PML: variants seen among roughly 807,000 people sequenced by gnomAD.
The protein encoded by PML is PML nuclear body scaffold.
Under a neutral mutation model 65.2 loss-of-function variants are expected in PML, and 28 were observed. The ratio of observed to expected loss-of-function variants is 0.43; its 90% confidence interval spans 0.32 to 0.59. PML has a LOEUF of 0.59. Ranked by LOEUF, PML falls within the 20% of genes least tolerant of loss-of-function variation. The pLI, the probability that PML is intolerant of heterozygous loss-of-function variation, is 0.08. For synonymous variants in PML, 500 were observed against 508.8 expected (o/e 0.98, Z 0.23); for missense variants, 1,021 against 1,203.4 (o/e 0.85, Z 2.24).
chr15:74,043,189 T>G lies in PML; in HGVS notation c.1861+50T>G. The G allele has an allele frequency of 1.2e-6, 2 of 1,613,774 alleles. No homozygotes were observed. Among genetic ancestry groups the G allele is most frequent in the Non-Finnish European group, 1.7e-6 (2 of 1,179,958 alleles). ...ACCCCTTTCTAATTTAGTCTCTGAG[T>G]CCCAAAAAGAAGTGCAGGCAGAGCC... On this transcript the variant is annotated intron_variant, in intron 8 of 8. Coordinates refer to ENST00000268058, the MANE Select transcript of PML (RefSeq NM_033238.3). The surrounding 1 kb of genome is among the most constrained non-coding windows in gnomAD (Gnocchi z 4.3).
At chr15:74,032,781 G>A in intron 5 of PML, 66 bp downstream of exon 5, 1 of 1,545,158 alleles carries the variant, frequency 6.5e-7, no homozygotes. Flanking sequence ...AAGTGAGCTG[G>A]CACTGGGGTG....
chr15:74,021,525 C>T (rs1037834206), intron 2 of PML, among the ~76,000 whole-genome samples: 2 of 151,714 alleles, frequency 1.3e-5, no homozygotes, highest in East Asian at 1.9e-4. Flanking sequence ...GCAGAGGTTG[C>T]GGTAAGCTGA....
In PML at chr15:74,046,602, C is replaced by T. The variant is rs1352326738; in HGVS notation, c.*1594C>T. 9 of 232,426 alleles carry T rather than the reference C, an allele frequency of 3.9e-5. No individual in the cohort carries two copies. Among genetic ancestry groups the T allele is most frequent in the South Asian group, 1.8e-4 (1 of 5,502 alleles). 14.4% of individuals were successfully genotyped at this position (232,426 alleles called of 1,614,324 possible). ...TCTGATGCCAGACTGTTAAAACAGGCGCTGGTTCTGAAGCACCGATGGAAA... is the reference window on the plus strand; with the variant it reads ...TCTGATGCCAGACTGTTAAAACAGGTGCTGGTTCTGAAGCACCGATGGAAA... On this transcript the variant is annotated 3_prime_UTR_variant, in exon 9 of 9. Coordinates refer to ENST00000268058, the MANE Select transcript of PML (RefSeq NM_033238.3).
chr15:74,035,935 GT>G lies in PML; in HGVS notation c.1710+1406del. 6.2e-7 allele frequency: 1 copy of G among 1,613,962 alleles called. No homozygotes were observed. Among genetic ancestry groups the G allele is most frequent in the Non-Finnish European group, 8.5e-7 (1 of 1,180,026 alleles). ...CCCATCAGCCCAGTCCCAGGCGCCC[GT>G]CAAGCAGGCCTCTGAGAGTGCTACC... On this transcript the variant is annotated intron_variant, in intron 7 of 8. Transcript: ENST00000268058. This position sits in a 1 kb window ranked among gnomAD's most constrained non-coding sequence, Gnocchi z 4.1.
chr15:74,019,128 C>T (rs2070724557), intron 2 of PML, among the ~76,000 whole-genome samples: 1 of 152,188 alleles, frequency 6.6e-6, no homozygotes, highest in Non-Finnish European at 1.5e-5. Flanking sequence ...CACTTGCCGC[C>T]CATTTCCATC....
intron 2 of PML, among the ~76,000 whole-genome samples, chr15:74,003,333 G>A (rs977717396): frequency 1.3e-4 from 20 of 152,072 alleles, no homozygotes; most frequent in African/African-American, 4.8e-4. Context: ...TCGGGAGGCT[G>A]AGGTAGGAGA....
At chr15:74,028,696 T>C (rs1172366553) in intron 4 of PML, among the ~76,000 whole-genome samples, 1 of 152,218 alleles carries the variant, frequency 6.6e-6, no homozygotes, top group African/African-American at 2.4e-5. Context: ...CCTTGTCTAC[T>C]TTCTGTCTCT....
At chr15:74,000,197 G>A (rs565736015) in intron 2 of PML, among the ~76,000 whole-genome samples, 34 of 152,236 alleles carry the variant, frequency 2.2e-4, no homozygotes, top group African/African-American at 6.7e-4. Flanking sequence ...GCCATCCCAC[G>A]GGATCCATGG....
At chr15:74,002,509 TCTCGGCTCACTGCAACCTC>T (rs2069820122) in intron 2 of PML, among the ~76,000 whole-genome samples, 1 of 146,906 alleles carries the variant, frequency 6.8e-6, no homozygotes, top group Non-Finnish European at 1.5e-5. Flanking sequence ...AGTGGCATGA[TCTCGGCTCACTGCAACCTC>T]CTCCTCCCGG....
intron 2 of PML, among the ~76,000 whole-genome samples, chr15:74,006,263 C>T (rs954147630): frequency 1.6e-4 from 25 of 152,032 alleles, no homozygotes; most frequent in Admixed American, 1.4e-3. Context: ...TGGTGTCACA[C>T]ACCTGTAATC....
rs556520043 is a variant in PML, at chr15:74,003,140, A to G, written c.602+4664A>G. Among the ~76,000 whole-genome samples the G allele has an allele frequency of 3.2e-3, 488 of 152,122 alleles. 4 individuals are homozygous for G. Among genetic ancestry groups the G allele is most frequent in the African/African-American group, 0.011 (459 of 41,500 alleles). On this transcript the variant is annotated intron_variant, in intron 2 of 8. Transcript: ENST00000268058. ...CACAATGAGACTCTGTCTTAAAAAA[A>G]GAAAAAAAGTGGGCCAGGCGCAGTG...
intron 4 of PML, among the ~76,000 whole-genome samples, chr15:74,029,990 A>T (rs925958352): frequency 6.6e-6 from 1 of 152,152 alleles, no homozygotes; most frequent in East Asian, 1.9e-4. Flanking sequence ...AGGTCAATCC[A>T]TCATGGCCAA....
At chr15:74,001,991 C>T (rs752480476) in intron 2 of PML, among the ~76,000 whole-genome samples, 19 of 149,728 alleles carry the variant, frequency 1.3e-4, no homozygotes, top group Non-Finnish European at 2.4e-4. Context: ...GCATCAGAAC[C>T]GGACCCTGAC....
chr15:74,028,058 T>A (rs1189297929), intron 4 of PML: 1 of 152,214 alleles, frequency 6.6e-6, no homozygotes, highest in East Asian at 1.9e-4. Context: ...CTGGAAGAGA[T>A]GAAGAGAAAG....
In PML at chr15:74,042,991, C is replaced by G. The variant is rs143289477; in HGVS notation, c.1713C>G (p.Ser571=). 39 of 1,613,692 alleles carry G rather than the reference C, an allele frequency of 2.4e-5. No homozygotes were observed. The African/African-American group carries it at 3.6e-4, about 15-fold the overall frequency. Residue 571 remains serine, a splice_region_variant and synonymous_variant, in exon 8 of 9, where the codon TCC becomes TCG. Transcript: ENST00000268058. This position sits in a 1 kb window ranked among gnomAD's most constrained non-coding sequence, Gnocchi z 5.3. The part of the protein sequence containing the change: ...SSEDSDAENS[S]SRELDDSSSE... ...CGCTTGGTTTTTCTGTGTTGCAGTC[C>G]TCCCGAGAGCTGGATGACAGCAGCA...
At chr15:74,002,964 A>G (rs1376847723) in intron 2 of PML, among the ~76,000 whole-genome samples, 1 of 152,098 alleles carries the variant, frequency 6.6e-6, no homozygotes, top group East Asian at 1.9e-4. Flanking sequence ...CGTCTCTACA[A>G]AAAAATACAA....
intron 6 of PML, 138 bp downstream of exon 6, chr15:74,033,552 G>T: frequency 1.1e-6 from 1 of 931,050 alleles, no homozygotes. Context: ...GATAGGGAAA[G>T]TTCACAGTGT....
chr15:74,026,600 C>T (rs1324275426), intron 4 of PML: 2 of 152,132 alleles, frequency 1.3e-5, no homozygotes, highest in Non-Finnish European at 2.9e-5. Flanking sequence ...AGAAAGTGAT[C>T]AATAGTGTCT....
rs1246209657 is a variant in PML at position 74,045,316 on chromosome 15, T to C, written c.*308T>C. 1 of 410,066 alleles carries C rather than the reference T, an allele frequency of 2.4e-6. No homozygotes were observed. Among genetic ancestry groups the C allele is most frequent in the Non-Finnish European group, 4.4e-6 (1 of 226,532 alleles). The allele number at this position is 410,066 out of a possible 1,614,324, so 25.4% of individuals were successfully genotyped here. A position where few individuals can be genotyped will look rare whatever the true frequency, so the allele number is the denominator to read the frequency against. ...GACCTCTGGGCTCTCTAGGTGGCCC[T>C]GGTCTTGCCCCATCCATCCCACCTG... On this transcript the variant is annotated 3_prime_UTR_variant, in exon 9 of 9. Coordinates refer to ENST00000268058, the MANE Select transcript of PML (RefSeq NM_033238.3).
Sources: gnomAD v4.1 joint callset for allele counts (sites outside exome capture counted in the v4.1 genomes callset) on GRCh38, gnomAD v4.1.1 for gene constraint, Gnocchi (gnomAD v3.1) non-coding constraint, MANE v1.5 for transcripts, NCBI Gene and HGNC (gene_info 2026-07-23, HGNC 2026-07-21) for gene names.